Variants in ZFR observed in about 807,000 individuals in gnomAD.
The protein encoded by ZFR is zinc finger RNA binding protein.
ZFR carries 19 observed loss-of-function variants against 130.7 expected under a neutral mutation model. The ratio of observed to expected loss-of-function variants is 0.15; its 90% CI spans 0.10 to 0.21. The LOEUF is 0.21. ZFR is among the 10% of genes least tolerant of loss of function. The pLI, the probability that ZFR is intolerant of heterozygous loss-of-function variation, is 1.00. For missense variants in ZFR, 872 were observed against 1,321.5 expected (o/e 0.66, Z 5.27); for synonymous variants, 466 against 456.9 (o/e 1.02, Z -0.25).
intron 17 of ZFR, among the ~76,000 whole-genome samples, chr5:32,368,252 C>A (rs62876460): frequency 2.1e-5 from 3 of 144,710 alleles, no homozygotes; most frequent in Admixed American, 6.9e-5. Flanking sequence ...TTTCCCCCCC[C>A]AACAAGAGAC....
intron 16 of ZFR, 51 bp from the exon 17 acceptor site, chr5:32,379,261 T>C (rs1248038039): frequency 6.7e-7 from 1 of 1,489,332 alleles, no homozygotes; most frequent in African/African-American, 1.4e-5. Context: ...ATACTGAATA[T>C]ATCCCTTGAT....
intron 6 of ZFR, 171 bp downstream of exon 6, chr5:32,406,603 G>A: frequency 2.3e-6 from 2 of 885,104 alleles, no homozygotes; most frequent in South Asian, 9.3e-5. Flanking sequence ...CATCTTTACA[G>A]TTTTTTTTTC....
intron 11 of ZFR, among the ~76,000 whole-genome samples, chr5:32,393,397 A>G (rs1013735429): frequency 3.3e-5 from 5 of 150,984 alleles, no homozygotes; most frequent in African/African-American, 1.2e-4. Flanking sequence ...AGGCTGGAGT[A>G]TAATGGCGCG....
Position 32,436,140 on chromosome 5 carries a change from CTTTTTTTTTTTT to C in ZFR, c.137+8077_137+8088del, listed in dbSNP as rs370998112. On this transcript the variant is annotated intron_variant, in intron 2 of 19. Transcript: ENST00000265069. ...TAAAGTTGGTAACCACAGTTGTATT[CTTTTTTTTTTTT>C]TTTTTTTTTTTTTTGAGATGGAGTC... 5.7e-4 allele frequency among the ~76,000 whole-genome samples: 52 copies of C among 91,794 alleles called. 1 individual carries two copies. The highest frequency in any genetic ancestry group is 8.4e-4 in the Non-Finnish European group (43 of 51,020). The allele number at this position is 91,794 out of a possible 152,430, so 60.2% of individuals were successfully genotyped here.
intron 17 of ZFR, chr5:32,364,812 A>G (rs1476422642): frequency 6.6e-6 from 1 of 152,220 alleles, no homozygotes; most frequent in Non-Finnish European, 1.5e-5. Flanking sequence ...GGGTCTCATG[A>G]TAAAAATTTG....
chr5:32,371,365 G>A (rs952148794), intron 17 of ZFR, among the ~76,000 whole-genome samples: 1 of 152,144 alleles, frequency 6.6e-6, no homozygotes, highest in Non-Finnish European at 1.5e-5. Flanking sequence ...GCAGGACCCT[G>A]TCTCAAAAAC....
In ZFR at chr5:32,402,678, T is replaced by C. The variant is rs532921526; in HGVS notation, c.1516+428A>G. Among the ~76,000 whole-genome samples, 3 of 151,140 alleles carry C rather than the reference T, an allele frequency of 2.0e-5. No individual in the cohort carries two copies. In the South Asian group the frequency reaches 6.3e-4, roughly 32 times the overall value. Reference sequence around the variant, plus strand: ...CTATAGTCCCAGCTACTCAGGAGACTGAGGTGGGCGGATCGCTTGAGCCCT... The same window carrying C: ...CTATAGTCCCAGCTACTCAGGAGACCGAGGTGGGCGGATCGCTTGAGCCCT... On this transcript the variant is annotated intron_variant, in intron 8 of 19. Transcript: ENST00000265069.
At position 32,415,083 on chromosome 5, in the gene ZFR, T is replaced by C. The variant is rs199996329; in HGVS notation, c.670A>G (p.Thr224Ala). The C allele has an allele frequency of 4.3e-6, 7 of 1,614,022 alleles. No individual in the cohort carries two copies. Among genetic ancestry groups the C allele is most frequent in the South Asian group, 1.1e-5 (1 of 91,082 alleles). ...KPATPSPATT[T>A]FSIYPVSSTV... ...GAGGATACAGGATAGATGGAGAAAG[T>C]AGTGGTAGCTGGACTTGGTGTGGCT... Residue 224 changes from threonine (T) to alanine (A), a missense_variant, in exon 5 of 20, where the codon ACT becomes GCT. Thr to Ala is a moderately conservative substitution (Grantham distance 58). Coordinates refer to ENST00000265069, the MANE Select transcript of ZFR (RefSeq NM_016107.5).
At chr5:32,435,751 C>T (rs1015693425) in intron 2 of ZFR, among the ~76,000 whole-genome samples, 1 of 152,132 alleles carries the variant, frequency 6.6e-6, no homozygotes, top group Non-Finnish European at 1.5e-5. Flanking sequence ...TATACTATAG[C>T]TTTTCCCAGA....
At chr5:32,402,411 G>A (rs1753470956) in intron 8 of ZFR, among the ~76,000 whole-genome samples, 1 of 152,078 alleles carries the variant, frequency 6.6e-6, no homozygotes, top group Admixed American at 6.6e-5. Context: ...AGCAGCTTCA[G>A]AAAAAGGCAG....
intron 11 of ZFR, among the ~76,000 whole-genome samples, chr5:32,392,155 G>A (rs1428917779): frequency 5.3e-5 from 8 of 152,174 alleles, no homozygotes; most frequent in African/African-American, 9.7e-5. Flanking sequence ...AATCCTGTTC[G>A]TTTCAGTTTC....
intron 17 of ZFR, among the ~76,000 whole-genome samples, chr5:32,367,542 G>C (rs2111671795): frequency 6.6e-6 from 1 of 152,190 alleles, no homozygotes; most frequent in East Asian, 1.9e-4. Context: ...TCAGCCTCCT[G>C]AGTAGCTGGC....
intron 19 of ZFR, among the ~76,000 whole-genome samples, chr5:32,356,499 G>A (rs532205074): frequency 1.1e-4 from 17 of 151,972 alleles, no homozygotes; most frequent in Admixed American, 2.6e-4. Context: ...TGCAAGCTCC[G>A]CCTCCCGGGT....
chr5:32,424,400 G>A (rs1174102576), intron 2 of ZFR, among the ~76,000 whole-genome samples: 1 of 152,064 alleles, frequency 6.6e-6, no homozygotes, highest in South Asian at 2.1e-4. Flanking sequence ...GCGCAGTGGC[G>A]GGCACCTGTA....
At chr5:32,438,048 C>T (rs543372853) in intron 2 of ZFR, among the ~76,000 whole-genome samples, 3 of 151,956 alleles carry the variant, frequency 2.0e-5, no homozygotes, top group Non-Finnish European at 4.4e-5. Context: ...ATTGGTTTTT[C>T]ACTCATGAAC....
At chr5:32,425,302 C>T (rs1354132857) in intron 2 of ZFR, among the ~76,000 whole-genome samples, 4 of 152,174 alleles carry the variant, frequency 2.6e-5, no homozygotes, top group Non-Finnish European at 4.4e-5. Flanking sequence ...TCAGGAGGTC[C>T]ACACAAGGTT....
intron 5 of ZFR, 122 bp downstream of exon 5, chr5:32,414,847 G>T: frequency 3.5e-6 from 3 of 857,258 alleles, no homozygotes; most frequent in African/African-American, 1.7e-5. Flanking sequence ...CTATATTTAT[G>T]TCTATCAATT....
chr5:32,388,643 C>CT lies in ZFR; in HGVS notation c.2173_2174insA (p.Arg725GlnfsTer14), dbSNP rs1753092508. 6.2e-7 allele frequency: 1 copy of CT among 1,613,750 alleles called. No homozygotes were observed. On this transcript the variant is annotated frameshift_variant, in exon 13 of 20. Transcript: ENST00000265069. LOFTEE classifies it high-confidence loss of function. ...GGTGGCATGTTTTGTCATTACATAA[C>CT]GGTCATCAGATGAGTCAGGACGACG...
intron 4 of ZFR, among the ~76,000 whole-genome samples, chr5:32,415,485 A>AGTGTGTGTGT (rs3065262): frequency 0.03 from 4,049 of 136,140 alleles, 91 homozygotes; most frequent in East Asian, 0.071. Flanking sequence ...TCTGAAAAGG[A>AGTGTGTGTGT]GTGTGTGTGT....
Sources: allele counts gnomAD v4.1 joint callset (sites outside exome capture counted in the v4.1 genomes callset), GRCh38; gene constraint gnomAD v4.1.1; transcripts MANE v1.5; gene names NCBI Gene and HGNC (gene_info 2026-07-23, HGNC 2026-07-21).